The following MALRD1 variants were observed in gnomAD, a reference collection of about 807,000 sequenced individuals.
MALRD1 encodes the protein MAM and LDL receptor class A domain containing 1, also known as MAM and LDL-receptor class A domain-containing protein 1.
MALRD1 carries 247 observed loss-of-function variants against 242.1 expected under a neutral mutation model. The ratio of observed to expected loss-of-function variants is 1.02; its 90% CI spans 0.92 to 1.13. MALRD1 has a LOEUF of 1.13. Among genes scored for constraint, MALRD1 ranks in the 50% most tolerant of loss-of-function variants. The probability of loss-of-function intolerance (pLI) is 0.00; values close to 1 mark genes in which losing one functional copy is unlikely to be tolerated. For missense variants in MALRD1, 2,989 were observed against 2,533.1 expected, an observed-to-expected ratio of 1.18 and a Z score of -3.86; for synonymous variants, 995 against 866.6, an observed-to-expected ratio of 1.15 and a Z score of -2.60.
chr10:19,206,636 C>A (rs1463232252), intron 17 of MALRD1, among the ~76,000 whole-genome samples: 4 of 152,198 alleles, frequency 2.6e-5, no homozygotes, highest in African/African-American at 9.7e-5. Flanking sequence ...CGGTTTCTCA[C>A]ACGGCTTTCC....
At chr10:19,445,581 G>A (rs991805459) in intron 28 of MALRD1, among the ~76,000 whole-genome samples, 2 of 152,242 alleles carry the variant, frequency 1.3e-5, no homozygotes, top group African/African-American at 4.8e-5. Flanking sequence ...TCCAGACCCT[G>A]TTTACCTGGG....
intron 27 of MALRD1, among the ~76,000 whole-genome samples, chr10:19,388,835 C>T (rs1351720524): frequency 7.3e-6 from 1 of 136,128 alleles, no homozygotes; most frequent in Admixed American, 8.1e-5. Context: ...CTGGATGCTA[C>T]GTCATAGGCA....
intron 32 of MALRD1, among the ~76,000 whole-genome samples, chr10:19,546,365 G>A (rs190179517): frequency 3.3e-5 from 5 of 152,286 alleles, no homozygotes; most frequent in African/African-American, 9.6e-5. Context: ...GGAGGTACAC[G>A]TATTTTTATG....
intron 17 of MALRD1, among the ~76,000 whole-genome samples, chr10:19,208,754 A>C (rs780313245): frequency 1.3e-5 from 2 of 152,212 alleles, no homozygotes; most frequent in Non-Finnish European, 2.9e-5. Context: ...GATTGTTCCC[A>C]GCCCTGCCTG....
chr10:19,149,539 C>T (rs1833863111), intron 11 of MALRD1, among the ~76,000 whole-genome samples: 2 of 152,050 alleles, frequency 1.3e-5, no homozygotes, highest in African/African-American at 4.8e-5. Flanking sequence ...TAGATACATA[C>T]ATATTCAAAA....
At chr10:19,667,537 A>G (rs1449715915) in intron 36 of MALRD1, among the ~76,000 whole-genome samples, 1 of 152,064 alleles carries the variant, frequency 6.6e-6, no homozygotes, top group Non-Finnish European at 1.5e-5. Flanking sequence ...TGCTGTCTTC[A>G]CAATAGTGAG....
chr10:19,057,984 T>TG (rs1313972447), intron 1 of MALRD1, among the ~76,000 whole-genome samples: 9 of 152,182 alleles, frequency 5.9e-5, no homozygotes, highest in Non-Finnish European at 2.9e-5. Context: ...CCAAATTAGT[T>TG]GGGAAAAAAA....
rs1254775928 is a variant in MALRD1 at position 19,692,867 on chromosome 10, TTA to T, written c.6314+332_6314+333del. Among the ~76,000 whole-genome samples, 6 of 29,634 alleles carry T rather than the reference TTA, an allele frequency of 2.0e-4. 1 individual carries two copies. Among genetic ancestry groups the T allele is most frequent in the African/African-American group, 6.7e-4 (6 of 9,000 alleles). The allele number at this position is 29,634 out of a possible 152,430, so 19.4% of individuals were successfully genotyped here. A position where few individuals can be genotyped will look rare whatever the true frequency, so the allele number is the denominator to read the frequency against. On this transcript the variant is annotated intron_variant, in intron 38 of 39. Coordinates refer to ENST00000454679, the MANE Select transcript of MALRD1 (RefSeq NM_001142308.3). ...ATATGAAATTTATATATAGATGAAA[TTA>T]TATATATATATATATATAATTTCAT...
At chr10:19,093,876 G>T (rs557394673) in intron 4 of MALRD1, among the ~76,000 whole-genome samples, 2 of 93,978 alleles carry the variant, frequency 2.1e-5, no homozygotes, top group African/African-American at 8.8e-5. Flanking sequence ...TGCCCCTGCT[G>T]GGGGGGTGCC....
intron 36 of MALRD1, among the ~76,000 whole-genome samples, chr10:19,652,974 G>A (rs1840965096): frequency 6.6e-6 from 1 of 152,122 alleles, no homozygotes; most frequent in African/African-American, 2.4e-5. Flanking sequence ...ATCACCATGG[G>A]CATAATTTAC....
intron 32 of MALRD1, among the ~76,000 whole-genome samples, chr10:19,542,534 G>GT (rs545801470): frequency 6.6e-6 from 1 of 151,358 alleles, no homozygotes; most frequent in African/African-American, 2.4e-5. Context: ...ATCTCCTGAT[G>GT]TTTTTTTTCC....
chr10:19,547,481 C>T (rs1835257791), intron 32 of MALRD1, among the ~76,000 whole-genome samples: 1 of 151,840 alleles, frequency 6.6e-6, no homozygotes, highest in African/African-American at 2.4e-5. Context: ...AAAAAAAAAT[C>T]TGAAAAACCT....
chr10:19,381,795 C>A (rs544817769), intron 26 of MALRD1, among the ~76,000 whole-genome samples: 2 of 151,812 alleles, frequency 1.3e-5, no homozygotes, highest in Non-Finnish European at 1.5e-5. Context: ...GCCGAGATTA[C>A]GCCACTGCAC....
At chr10:19,187,627 C>A (rs7077017) in intron 14 of MALRD1, among the ~76,000 whole-genome samples, 1 of 151,806 alleles carries the variant, frequency 6.6e-6, no homozygotes, top group Non-Finnish European at 1.5e-5. Context: ...GTTCCCAACA[C>A]TGGCTGTGTG....
intron 14 of MALRD1, among the ~76,000 whole-genome samples, chr10:19,202,126 C>T (rs1411344920): frequency 6.6e-6 from 1 of 152,064 alleles, no homozygotes; most frequent in Non-Finnish European, 1.5e-5. Context: ...GAAAACTTTA[C>T]TCTAAATATA....
At chr10:19,205,372 C>A in intron 17 of MALRD1, 107 bp downstream of exon 17, 1 of 1,294,904 alleles carries the variant, frequency 7.7e-7, no homozygotes, top group Non-Finnish European at 1.0e-6. Flanking sequence ...AGCATAGCTC[C>A]AAAGCTGATG....
At chr10:19,580,859 C>A (rs1015234797) in intron 33 of MALRD1, among the ~76,000 whole-genome samples, 1 of 152,108 alleles carries the variant, frequency 6.6e-6, no homozygotes, top group Non-Finnish European at 1.5e-5. Flanking sequence ...AACAAGCCTT[C>A]CTGATTCCTT....
At chr10:19,168,422 A>G (rs189996728) in intron 13 of MALRD1, among the ~76,000 whole-genome samples, 8 of 152,378 alleles carry the variant, frequency 5.3e-5, no homozygotes, top group Non-Finnish European at 1.0e-4. Context: ...AGAGTTTGTC[A>G]TTAATTGACA....
At chr10:19,111,737 G>A (rs1432092212) in intron 5 of MALRD1, among the ~76,000 whole-genome samples, 1 of 152,220 alleles carries the variant, frequency 6.6e-6, no homozygotes, top group Non-Finnish European at 1.5e-5. Context: ...TATGGAGAAA[G>A]CCAGGATTCA....
Sources: gnomAD v4.1 joint callset for allele counts (sites outside exome capture counted in the v4.1 genomes callset) on GRCh38, gnomAD v4.1.1 for gene constraint, MANE v1.5 for transcripts, NCBI Gene and HGNC (gene_info 2026-07-23, HGNC 2026-07-21) for gene names.